Variants in RBM38 observed in about 807,000 individuals in gnomAD.
RBM38 encodes the protein RNA-binding protein 38.
In RBM38, 11 loss-of-function variants were observed where a neutral mutation model predicts 23.5. That is an observed-to-expected ratio of 0.47 (90% confidence interval 0.29 to 0.77). The LOEUF (loss-of-function observed/expected upper bound fraction) is 0.77, where lower values mean the gene tolerates loss of function less well. Ranked by LOEUF, RBM38 falls within the 30% of genes least tolerant of loss-of-function variation. The pLI is 0.08. For synonymous variants in RBM38, 165 were observed against 166.1 expected (o/e 0.99, Z 0.05); for missense variants, 330 against 351.9 (o/e 0.94, Z 0.50).
At chr20:57,406,211 C>T (rs909291422) in intron 3 of RBM38, among the ~76,000 whole-genome samples, 19 of 152,202 alleles carry the variant, frequency 1.2e-4, no homozygotes, top group African/African-American at 3.1e-4. Flanking sequence ...TGAGGCTTAG[C>T]GGCTTGCCCC....
intron 3 of RBM38, among the ~76,000 whole-genome samples, chr20:57,398,154 A>G (rs1330903896): frequency 6.6e-6 from 1 of 152,028 alleles, no homozygotes; most frequent in Admixed American, 6.5e-5. Context: ...GGTACACAGG[A>G]TCTCTCTGTA....
intron 2 of RBM38, 181 bp downstream of exon 2, chr20:57,392,958 T>C: frequency 8.1e-6 from 7 of 864,804 alleles, no homozygotes; most frequent in Non-Finnish European, 1.2e-5. Flanking sequence ...TCTCACAGCG[T>C]GTGGCCCAAA....
chr20:57,392,929 C>CA, intron 2 of RBM38, 152 bp downstream of exon 2: 1 of 1,055,692 alleles, frequency 9.5e-7, no homozygotes. Flanking sequence ...CCATCCCCCC[C>CA]TCGAGGATCT....
At chr20:57,403,943 G>A (rs773877097) in intron 3 of RBM38, among the ~76,000 whole-genome samples, 3 of 152,188 alleles carry the variant, frequency 2.0e-5, no homozygotes, top group Non-Finnish European at 2.9e-5. Context: ...AAAATGCTTC[G>A]TAAGTTATCC....
At chr20:57,397,371 A>G (rs1043425976) in intron 3 of RBM38, among the ~76,000 whole-genome samples, 1 of 152,214 alleles carries the variant, frequency 6.6e-6, no homozygotes, top group African/African-American at 2.4e-5. Context: ...TCCCTCCCAC[A>G]AGGACTCAAC....
rs943413460 is a variant in RBM38, at chr20:57,392,234, ACATCAG to A, written c.237+418_238-413del. On this transcript the variant is annotated intron_variant, in intron 1 of 3. Transcript: ENST00000356208. ...CAGCCCTCTCAGCCGCCCCAAATAA[ACATCAG>A]CTTAAGTAAAAACGTCTTGAAGACA... 22 of 352,426 alleles carry A rather than the reference ACATCAG, an allele frequency of 6.2e-5. 1 individual carries two copies. The Admixed American group carries it at 8.3e-4, about 13-fold the overall frequency. 21.8% of individuals were successfully genotyped at this position (352,426 alleles called of 1,614,324 possible). A position where few individuals can be genotyped will look rare whatever the true frequency, so the allele number is the denominator to read the frequency against.
chr20:57,406,400 A>C (rs1407600156), intron 3 of RBM38, among the ~76,000 whole-genome samples: 1 of 152,146 alleles, frequency 6.6e-6, no homozygotes, highest in Non-Finnish European at 1.5e-5. Context: ...TTAAGAGCAC[A>C]GCTCTGAGGC....
At chr20:57,399,419 C>T (rs567877113) in intron 3 of RBM38, among the ~76,000 whole-genome samples, 67 of 152,262 alleles carry the variant, frequency 4.4e-4, no homozygotes, top group African/African-American at 1.5e-3. Context: ...CCTGCACCAG[C>T]GGCCCTGGTG....
In RBM38 at chr20:57,393,021, G is replaced by T. The variant is rs542192709; in HGVS notation, c.361+244G>T. ...TGCACCCCAGTTGCCAGCTGTCCTC[G>T]CAGGAGGGAGGAAGTGGCCATGGGG... On this transcript the variant is annotated intron_variant, in intron 2 of 3. Coordinates refer to ENST00000356208, the MANE Select transcript of RBM38 (RefSeq NM_017495.6). 3.2e-5 allele frequency: 21 copies of T among 664,468 alleles called. No homozygotes were observed. The Admixed American group carries it at 5.0e-4, about 16-fold the overall frequency. 41.2% of individuals were successfully genotyped at this position (664,468 alleles called of 1,614,324 possible). A position where few individuals can be genotyped will look rare whatever the true frequency, so the allele number is the denominator to read the frequency against.
intron 1 of RBM38, 170 bp from the exon 2 acceptor site, chr20:57,392,484 G>T (rs1168482921): frequency 1.9e-5 from 29 of 1,534,260 alleles, no homozygotes; most frequent in Non-Finnish European, 2.5e-5. Flanking sequence ...CTTTGTGGGA[G>T]AGCCCCAGGT....
chr20:57,402,982 G>A lies in RBM38; in HGVS notation c.417-4561G>A, dbSNP rs566302387. Among the ~76,000 whole-genome samples, 8 of 152,328 alleles carry A rather than the reference G, an allele frequency of 5.3e-5. No individual in the cohort carries two copies. The South Asian group carries it at 1.0e-3, about 20-fold the overall frequency. On this transcript the variant is annotated intron_variant, in intron 3 of 3. Transcript: ENST00000356208. ...TCGGGCGTCTCAGCCTTGGCACTGC[G>A]GACCTTTAGGACGGCATCGTTCTTT...
chr20:57,393,072 A>G, intron 2 of RBM38: 1 of 644,208 alleles, frequency 1.6e-6, no homozygotes, highest in Non-Finnish European at 2.7e-6. Flanking sequence ...TGCCGACACC[A>G]GTGGCTGCTG....
intron 1 of RBM38, among the ~76,000 whole-genome samples, chr20:57,392,048 G>C (rs1468477717): frequency 5.0e-5 from 1 of 20,096 alleles, no homozygotes; most frequent in African/African-American, 1.7e-4. Flanking sequence ...CCCCACCCCC[G>C]GTTTAAAAGG....
chr20:57,403,059 G>A (rs1218651912), intron 3 of RBM38, among the ~76,000 whole-genome samples: 2 of 152,148 alleles, frequency 1.3e-5, no homozygotes, highest in Admixed American at 6.5e-5. Context: ...CCCTGGCCTC[G>A]ACCCCTAATG....
At chr20:57,398,167 GTT>G (rs1162802685) in intron 3 of RBM38, among the ~76,000 whole-genome samples, 1 of 152,166 alleles carries the variant, frequency 6.6e-6, no homozygotes, top group Non-Finnish European at 1.5e-5. Flanking sequence ...TCTCTGTACT[GTT>G]TTTGCAACTT....
Position 57,391,719 on chromosome 20 carries a change from C to G in RBM38, c.138C>G (p.Thr46=). ...IFVGGLPYHT[T]DASLRKYFEG... is the part of the protein sequence containing the mutation. ...TGGGCGGCCTGCCGTACCACACTACCGACGCCTCGCTCAGGAAGTACTTCG... is the reference window on the plus strand; with the variant it reads ...TGGGCGGCCTGCCGTACCACACTACGGACGCCTCGCTCAGGAAGTACTTCG... Residue 46 remains threonine (T), a synonymous_variant, in exon 1 of 4, where the codon ACC becomes ACG. Coordinates refer to ENST00000356208, the MANE Select transcript of RBM38 (RefSeq NM_017495.6). The G allele has an allele frequency of 1.9e-6, 3 of 1,538,660 alleles. No homozygotes were observed. The highest frequency in any genetic ancestry group is 2.4e-5 in the South Asian group (2 of 82,924).
rs1201931855 is a variant in RBM38 at position 57,393,238 on chromosome 20, C to T, written c.362-41C>T. The T allele has an allele frequency of 1.8e-5, 29 of 1,598,588 alleles. 1 individual carries two copies. Among genetic ancestry groups the T allele is most frequent in the East Asian group, 2.2e-5 (1 of 44,820 alleles). On this transcript the variant is annotated intron_variant, in intron 2 of 3. Transcript: ENST00000356208. ...TGTGTGCAGCCCTTGAGACGTGGCTCGTGCAGCAAGGCCAAGTCCCTGATT... is the reference window on the plus strand; with the variant it reads ...TGTGTGCAGCCCTTGAGACGTGGCTTGTGCAGCAAGGCCAAGTCCCTGATT...
At position 57,408,031 on chromosome 20, in the gene RBM38, T is replaced by A; in HGVS notation, c.*185T>A. Reference sequence around the variant, plus strand: ...CAGCGGAGAGACGGCTTCTCTTTAATCTAGGTCCCATTGTGTCTTGAGGGA... The same window carrying A: ...CAGCGGAGAGACGGCTTCTCTTTAAACTAGGTCCCATTGTGTCTTGAGGGA... On this transcript the variant is annotated 3_prime_UTR_variant, in exon 4 of 4. Transcript: ENST00000356208. 2 of 673,558 alleles carry A rather than the reference T, an allele frequency of 3.0e-6. No individual in the cohort carries two copies. The highest frequency in any genetic ancestry group is 3.8e-5 in the South Asian group (2 of 52,098). The allele number at this position is 673,558 out of a possible 1,614,324, so 41.7% of individuals were successfully genotyped here. A position where few individuals can be genotyped will look rare whatever the true frequency, so the allele number is the denominator to read the frequency against.
At chr20:57,398,488 C>T (rs1445948655) in intron 3 of RBM38, among the ~76,000 whole-genome samples, 3 of 152,146 alleles carry the variant, frequency 2.0e-5, no homozygotes, top group Non-Finnish European at 2.9e-5. Flanking sequence ...GAAGTGACTC[C>T]CCCCAACACT....
Sources: gnomAD v4.1 joint callset for allele counts (sites outside exome capture counted in the v4.1 genomes callset) on GRCh38, gnomAD v4.1.1 for gene constraint, MANE v1.5 for transcripts, NCBI Gene and HGNC (gene_info 2026-07-23, HGNC 2026-07-21) for gene names.